SOX6: variants seen among roughly 807,000 people sequenced by gnomAD.
SOX6 encodes SRY-box transcription factor 6, also known as transcription factor SOX-6.
A neutral mutation model predicts 97.8 loss-of-function variants in SOX6; 11 were observed. The ratio of observed to expected loss-of-function variants is 0.11; its 90% CI spans 0.07 to 0.19. The LOEUF is 0.19. SOX6 is among the 10% of genes least tolerant of loss of function. The pLI, the probability that SOX6 is intolerant of heterozygous loss-of-function variation, is 1.00. For synonymous variants in SOX6, 360 were observed against 371.4 expected, an observed-to-expected ratio of 0.97 and a Z score of 0.35; for missense variants, 810 against 1,039.5, an observed-to-expected ratio of 0.78 and a Z score of 3.04.
Position 16,546,240 on chromosome 11 carries a change from G to A in SOX6, n.609+65841C>T, listed in dbSNP as rs532950542. Among the ~76,000 whole-genome samples the A allele has an allele frequency of 3.1e-4, 47 of 152,240 alleles. 1 individual carries two copies. The South Asian group carries it at 8.5e-3, about 27-fold the overall frequency. ...GAAAGGCATCCCATGCTCATGTATT[G>A]GTAGAATTAATATTGTTAAAATGAC... On this transcript the variant is annotated intron_variant and non_coding_transcript_variant, in intron 4 of 5. Transcript: ENST00000524520.
At chr11:16,656,239 A>G (rs1218226843) in intron 3 of SOX6, among the ~76,000 whole-genome samples, 2 of 151,960 alleles carry the variant, frequency 1.3e-5, no homozygotes, top group Non-Finnish European at 2.9e-5. Flanking sequence ...CACCACGCCC[A>G]ATTAATGTTT....
intron 9 of SOX6, among the ~76,000 whole-genome samples, chr11:16,072,406 TAAA>T (rs998336217): frequency 2.6e-5 from 4 of 151,814 alleles, no homozygotes; most frequent in African/African-American, 9.7e-5. Flanking sequence ...AAATAAATAA[TAAA>T]GAAGAATGAA....
chr11:16,634,489 T>C (rs1401519345), intron 3 of SOX6, among the ~76,000 whole-genome samples: 1 of 152,144 alleles, frequency 6.6e-6, no homozygotes. Flanking sequence ...TGGTGAAAAA[T>C]AGAAATTATT....
At chr11:16,081,922 C>A (rs1336216406) in intron 9 of SOX6, among the ~76,000 whole-genome samples, 4 of 152,138 alleles carry the variant, frequency 2.6e-5, no homozygotes, top group African/African-American at 9.7e-5. Flanking sequence ...ACAAAAGGAG[C>A]ATTCTTGTCA....
At chr11:16,318,710 G>A (rs1465636906) in intron 2 of SOX6, 57 bp from the exon 3 acceptor site, 5 of 1,506,766 alleles carry the variant, frequency 3.3e-6, no homozygotes, top group Middle Eastern at 2.0e-4. Context: ...GCATGCTACT[G>A]GAGAAAAAAA....
At position 16,397,266 on chromosome 11, in the gene SOX6, T is replaced by C. The variant is rs148523793; in HGVS notation, c.-4-56014A>G. Among the ~76,000 whole-genome samples the C allele has an allele frequency of 9.2e-5, 14 of 151,668 alleles. 1 individual carries two copies. The highest frequency in any genetic ancestry group is 3.1e-4 in the African/African-American group (13 of 41,492). ...AAAATTAAATATATTTATCTACTTATGTAAATACTTTTTAGTTACTGTCTA... is the reference window on the plus strand; with the variant it reads ...AAAATTAAATATATTTATCTACTTACGTAAATACTTTTTAGTTACTGTCTA... On this transcript the variant is annotated intron_variant, in intron 1 of 15. Transcript: ENST00000396356.
At chr11:16,224,829 AT>A (rs1032536873) in intron 4 of SOX6, among the ~76,000 whole-genome samples, 9 of 152,046 alleles carry the variant, frequency 5.9e-5, no homozygotes, top group African/African-American at 2.2e-4. Context: ...TTGGGGGAAT[AT>A]TAAGTTTCCA....
intron 9 of SOX6, among the ~76,000 whole-genome samples, chr11:16,065,694 C>CA (rs1848077875): frequency 6.6e-6 from 1 of 152,028 alleles, no homozygotes; most frequent in Admixed American, 6.6e-5. Context: ...GCTAGAAAGA[C>CA]AGGATATTCA....
chr11:16,325,751 G>A (rs749565993), intron 2 of SOX6, among the ~76,000 whole-genome samples: 17 of 151,970 alleles, frequency 1.1e-4, no homozygotes, highest in South Asian at 2.1e-4. Flanking sequence ...TTGAATGTAC[G>A]TCCCCCCATA....
intron 12 of SOX6, among the ~76,000 whole-genome samples, chr11:16,042,318 T>C (rs1040845425): frequency 1.3e-5 from 2 of 152,168 alleles, no homozygotes; most frequent in African/African-American, 4.8e-5. Flanking sequence ...ATCCTCTATT[T>C]CCTGACTGGT....
At chr11:16,471,832 C>A (rs1392420046) in intron 1 of SOX6, among the ~76,000 whole-genome samples, 1 of 152,196 alleles carries the variant, frequency 6.6e-6, no homozygotes, top group Non-Finnish European at 1.5e-5. Context: ...ACCAAAGGAA[C>A]ACCAAAGCCC....
chr11:16,207,543 C>T (rs540027665), intron 4 of SOX6, among the ~76,000 whole-genome samples: 2 of 150,638 alleles, frequency 1.3e-5, no homozygotes, highest in African/African-American at 4.9e-5. Flanking sequence ...TGCAGTGAGC[C>T]GAGATCGCAC....
intron 3 of SOX6, among the ~76,000 whole-genome samples, chr11:16,708,260 A>G (rs1590059610): frequency 6.6e-6 from 1 of 152,312 alleles, no homozygotes; most frequent in Non-Finnish European, 1.5e-5. Flanking sequence ...TTTCAGCAGA[A>G]AATTCAGATT....
intron 4 of SOX6, among the ~76,000 whole-genome samples, chr11:16,547,151 T>C (rs1036940378): frequency 6.6e-6 from 1 of 152,280 alleles, no homozygotes; most frequent in South Asian, 2.1e-4. Context: ...AGAACTCTTA[T>C]ACACTCTTAG....
intron 4 of SOX6, among the ~76,000 whole-genome samples, chr11:16,530,928 T>TTA (rs1388417141): frequency 2.0e-5 from 3 of 147,958 alleles, no homozygotes; most frequent in Admixed American, 1.4e-4. Flanking sequence ...TAAACATATT[T>TTA]TATATATATA....
chr11:16,185,593 G>C (rs1167888489), intron 5 of SOX6, among the ~76,000 whole-genome samples: 1 of 152,166 alleles, frequency 6.6e-6, no homozygotes, highest in African/African-American at 2.4e-5. Flanking sequence ...TCGCTTCATT[G>C]AGCATGACAA....
intron 3 of SOX6, among the ~76,000 whole-genome samples, chr11:16,246,180 A>T (rs1245692240): frequency 1.3e-5 from 2 of 151,382 alleles, no homozygotes; most frequent in Non-Finnish European, 3.0e-5. Flanking sequence ...GAACTTTAAA[A>T]CACCTTTATT....
intron 11 of SOX6, 79 bp from the exon 12 acceptor site, chr11:16,046,780 G>C: frequency 7.2e-7 from 1 of 1,396,740 alleles, no homozygotes; most frequent in Non-Finnish European, 1.0e-6. Context: ...CTCCCCTGTA[G>C]AAAGCTGCAT....
intron 10 of SOX6, 48 bp downstream of exon 10, chr11:16,055,704 T>C: frequency 1.2e-6 from 2 of 1,612,444 alleles, no homozygotes; most frequent in African/African-American, 1.3e-5. Context: ...ATCTTTCTTG[T>C]GAAACTTTTT....
Sources: gnomAD v4.1 joint callset for allele counts (sites outside exome capture counted in the v4.1 genomes callset) on GRCh38, gnomAD v4.1.1 for gene constraint, MANE v1.5 for transcripts, NCBI Gene and HGNC (gene_info 2026-07-23, HGNC 2026-07-21) for gene names.